ZSCAN5A: variants seen among roughly 807,000 people sequenced by gnomAD.
ZSCAN5A encodes zinc finger and SCAN domain containing 5A.
ZSCAN5A carries 12 observed loss-of-function variants against 23.7 expected under a neutral mutation model. The ratio of observed to expected loss-of-function variants is 0.51; its 90% CI spans 0.32 to 0.82. The LOEUF is 0.82. Ranked by LOEUF, ZSCAN5A falls within the 40% of genes least tolerant of loss-of-function variation. The probability of loss-of-function intolerance (pLI) is 0.03; values close to 1 mark genes in which losing one functional copy is unlikely to be tolerated. For synonymous variants in ZSCAN5A, 257 were observed against 239.9 expected, an observed-to-expected ratio of 1.07 and a Z score of -0.66; for missense variants, 597 against 617.9, an observed-to-expected ratio of 0.97 and a Z score of 0.36.
chr19:56,353,574 G>A (rs1480094095), intron 2 of ZSCAN5A, among the ~76,000 whole-genome samples: 4 of 151,976 alleles, frequency 2.6e-5, no homozygotes, highest in Admixed American at 6.6e-5. Flanking sequence ...TCAGGAGATC[G>A]AGACCATCCT....
intron 2 of ZSCAN5A, among the ~76,000 whole-genome samples, chr19:56,348,914 G>T (rs1279038564): frequency 6.6e-6 from 1 of 152,064 alleles, no homozygotes; most frequent in African/African-American, 2.4e-5. Flanking sequence ...CTCTGTAAGA[G>T]AAATTAAACC....
At chr19:56,241,219 GA>G (rs1395619564) in intron 2 of ZSCAN5A, among the ~76,000 whole-genome samples, 2 of 152,182 alleles carry the variant, frequency 1.3e-5, no homozygotes, top group African/African-American at 4.8e-5. Flanking sequence ...GCTTTAATGG[GA>G]AAAGAACTGA....
At chr19:56,367,130 T>C (rs1274176180) in intron 1 of ZSCAN5A, 1 of 152,060 alleles carries the variant, frequency 6.6e-6, no homozygotes, top group African/African-American at 2.4e-5. Context: ...GAGGTCAATG[T>C]GGGAGGATCG....
intron 2 of ZSCAN5A, among the ~76,000 whole-genome samples, chr19:56,303,647 T>G (rs1009075754): frequency 3.9e-5 from 6 of 151,986 alleles, no homozygotes; most frequent in Non-Finnish European, 8.8e-5. Flanking sequence ...TGCTGGGGAC[T>G]CAGAGAAGAA....
chr19:56,223,539 G>T, intron 4 of ZSCAN5A, 92 bp downstream of exon 4: 1 of 1,334,088 alleles, frequency 7.5e-7, no homozygotes. Flanking sequence ...ATCTTGTCCT[G>T]TGTCAAATCT....
chr19:56,322,424 C>T (rs1368176159), intron 2 of ZSCAN5A: 5 of 596,096 alleles, frequency 8.4e-6, no homozygotes, highest in East Asian at 2.8e-5. Context: ...AGGCGGGCGA[C>T]CCCGCAACCC....
intron 2 of ZSCAN5A, among the ~76,000 whole-genome samples, chr19:56,284,536 A>ATTTTT: frequency 4.5e-5 from 2 of 44,670 alleles, no homozygotes; most frequent in Non-Finnish European, 7.5e-5. Context: ...TTTTTTTTTG[A>ATTTTT]GACAGTCTTG....
At position 56,222,598 on chromosome 19, in the gene ZSCAN5A, C is replaced by G. The variant is rs771360506; in HGVS notation, c.732G>C (p.Lys244Asn). The G allele has an allele frequency of 1.9e-6, 3 of 1,614,044 alleles. No individual in the cohort carries two copies. Among genetic ancestry groups the G allele is most frequent in the African/African-American group, 2.7e-5 (2 of 74,930 alleles). The change falls in exon 5 of 6, where the codon AAG (lysine) becomes AAC (asparagine). Residue 244 changes from lysine to asparagine, a missense_variant. Lys to Asn is a moderately conservative substitution (Grantham distance 94). Coordinates refer to ENST00000683990, the MANE Select transcript of ZSCAN5A (RefSeq NM_001322064.3). ...GLTSPEPQLP[K>N]SPTDLVRAKE... The stretch of plus-strand genomic sequence containing the variant: ...CCAAGTCTTCATACTCACTGGGACT[C>G]TTTGGAAGCTGAGGCTCTGGGGATG...
At chr19:56,247,036 G>A (rs1473579063) in intron 2 of ZSCAN5A, 4 of 882,984 alleles carry the variant, frequency 4.5e-6, no homozygotes, top group Non-Finnish European at 7.6e-6. Context: ...CAATGGCCAA[G>A]AAGCCAAGGA....
intron 2 of ZSCAN5A, 35 bp from the exon 3 acceptor site, chr19:56,225,208 G>A (rs1312960987): frequency 9.9e-6 from 14 of 1,417,016 alleles, no homozygotes; most frequent in Non-Finnish European, 1.3e-5. Flanking sequence ...ATTAGTTTAA[G>A]TTACTACTCC....
intron 2 of ZSCAN5A, chr19:56,297,432 T>C (rs1271202417): frequency 2.1e-6 from 1 of 482,570 alleles, no homozygotes; most frequent in Non-Finnish European, 2.7e-6. Context: ...CCTCCCTCTC[T>C]CCCTCCCTTT....
At chr19:56,249,303 T>G (rs1268039772) in intron 2 of ZSCAN5A, among the ~76,000 whole-genome samples, 1 of 152,214 alleles carries the variant, frequency 6.6e-6, no homozygotes, top group African/African-American at 2.4e-5. Context: ...AGTCTCACTC[T>G]GTCACCCAGG....
At chr19:56,320,359 T>C in intron 2 of ZSCAN5A, 1 of 348,630 alleles carries the variant, frequency 2.9e-6, no homozygotes, top group African/African-American at 2.1e-5. Context: ...AAACCCAATC[T>C]CTACTAAAAA....
In ZSCAN5A at chr19:56,351,913, G is replaced by T. The variant is rs2041669742; in HGVS notation, c.-358+11322C>A. On this transcript the variant is annotated intron_variant, in intron 2 of 6. Coordinates refer to the ZSCAN5A transcript ENST00000587340. This position sits in a 1 kb window ranked among gnomAD's most constrained non-coding sequence, Gnocchi z 4.8. ...TCCTTTTCCCAGCAATAATTTTACA[G>T]ACCTGAGACGTTTGCAAGATGAAAT... 6.6e-6 allele frequency among the ~76,000 whole-genome samples: 1 copy of T among 152,164 alleles called. No individual in the cohort carries two copies. Among genetic ancestry groups the T allele is most frequent in the South Asian group, 2.1e-4 (1 of 4,822 alleles).
chr19:56,271,095 A>C (rs1401363927), intron 2 of ZSCAN5A, among the ~76,000 whole-genome samples: 1 of 152,260 alleles, frequency 6.6e-6, no homozygotes, highest in Non-Finnish European at 1.5e-5. Flanking sequence ...TAAAGCAAAG[A>C]AACAGCTGTG....
intron 2 of ZSCAN5A, chr19:56,246,974 C>A: frequency 6.9e-7 from 1 of 1,445,762 alleles, no homozygotes. Context: ...CCAGGAAAAC[C>A]TGAGATAAAT....
At chr19:56,365,825 G>C (rs1344535897) in intron 1 of ZSCAN5A, 1 of 152,220 alleles carries the variant, frequency 6.6e-6, no homozygotes, top group Non-Finnish European at 1.5e-5. Flanking sequence ...ATGTGGTTAA[G>C]TCTGAGAATT....
At chr19:56,262,908 G>A (rs190570785) in intron 2 of ZSCAN5A, among the ~76,000 whole-genome samples, 94 of 152,252 alleles carry the variant, frequency 6.2e-4, no homozygotes, top group African/African-American at 2.1e-3. Context: ...ATCTATATGG[G>A]TAATTATGCT....
intron 2 of ZSCAN5A, among the ~76,000 whole-genome samples, chr19:56,252,872 G>C (rs1323255426): frequency 6.6e-6 from 1 of 152,192 alleles, no homozygotes; most frequent in Non-Finnish European, 1.5e-5. Context: ...GCAGGAGCTG[G>C]GGTCGTGAAC....
Sources: gnomAD v4.1 joint callset for allele counts (sites outside exome capture counted in the v4.1 genomes callset) on GRCh38, gnomAD v4.1.1 for gene constraint, Gnocchi (gnomAD v3.1) non-coding constraint, MANE v1.5 for transcripts, NCBI Gene and HGNC (gene_info 2026-07-23, HGNC 2026-07-21) for gene names.